The following PTPRM variants were observed in gnomAD, a reference collection of about 807,000 sequenced individuals.
The protein encoded by PTPRM is protein tyrosine phosphatase receptor type M.
A neutral mutation model predicts 186.7 loss-of-function variants in PTPRM; 47 were observed. The ratio of observed to expected loss-of-function variants is 0.25; its 90% confidence interval spans 0.20 to 0.32. The LOEUF (loss-of-function observed/expected upper bound fraction) is 0.32. Ranked by LOEUF, PTPRM falls within the 10% of genes least tolerant of loss-of-function variation. PTPRM has a pLI of 1.00. For synonymous variants in PTPRM, 668 were observed against 674.9 expected, an observed-to-expected ratio of 0.99 and a Z score of 0.16; for missense variants, 1,494 against 1,865.0, an observed-to-expected ratio of 0.80 and a Z score of 3.66.
chr18:7,928,581 CT>C (rs2051305720), intron 5 of PTPRM, among the ~76,000 whole-genome samples: 2 of 152,152 alleles, frequency 1.3e-5, no homozygotes, highest in Non-Finnish European at 2.9e-5. Context: ...CTATTTGTTC[CT>C]TTGATTTATC....
intron 1 of PTPRM, chr18:7,754,658 T>C (rs2041384045): frequency 6.6e-6 from 1 of 152,226 alleles, no homozygotes; most frequent in Non-Finnish European, 1.5e-5. Context: ...CATCCTTGTA[T>C]CAGTGTTGTT....
chr18:7,619,352 A>G (rs929288076), intron 1 of PTPRM, among the ~76,000 whole-genome samples: 3 of 152,170 alleles, frequency 2.0e-5, no homozygotes, highest in Non-Finnish European at 4.4e-5. Context: ...AGAAAGAAAG[A>G]ACTTTCACTT....
chr18:7,889,406 A>C (rs904463490), intron 3 of PTPRM, among the ~76,000 whole-genome samples: 1 of 145,974 alleles, frequency 6.9e-6, no homozygotes, highest in African/African-American at 2.6e-5. Context: ...TTGTGATCAC[A>C]ATTCACTCCA....
intron 2 of PTPRM, among the ~76,000 whole-genome samples, chr18:7,844,299 C>T (rs910958295): frequency 3.9e-5 from 6 of 152,184 alleles, no homozygotes; most frequent in African/African-American, 1.4e-4. Context: ...TCACTTCTTC[C>T]CCTTAAGATC....
rs377645291 is a variant in PTPRM at position 7,751,843 on chromosome 18, A to G, written c.74-22306A>G. ...GATTCTTCCTCTGTGAAAATTTTCC[A>G]CATACCTTCCTCTCTAGCTAATAGA... is the stretch of plus-strand genomic sequence containing the variant. On this transcript the variant is annotated intron_variant, in intron 1 of 32. Transcript: ENST00000580170. 2.7e-5 allele frequency among the ~76,000 whole-genome samples: 4 copies of G among 147,704 alleles called. No homozygotes were observed. The East Asian group carries it at 7.7e-4, about 28-fold the overall frequency.
intron 22 of PTPRM, among the ~76,000 whole-genome samples, chr18:8,330,684 G>A (rs971028243): frequency 8.2e-5 from 12 of 145,742 alleles, no homozygotes; most frequent in East Asian, 6.1e-4. Context: ...CTTGATTGCC[G>A]TCTCTCTGTT....
intron 2 of PTPRM, among the ~76,000 whole-genome samples, chr18:7,791,708 T>C (rs1208667913): frequency 6.6e-6 from 1 of 152,200 alleles, no homozygotes; most frequent in Non-Finnish European, 1.5e-5. Context: ...TAGAGGTTAT[T>C]ACTTAATAAA....
At chr18:7,634,503 C>T (rs1216943248) in intron 1 of PTPRM, among the ~76,000 whole-genome samples, 1 of 152,180 alleles carries the variant, frequency 6.6e-6, no homozygotes, top group Non-Finnish European at 1.5e-5. Context: ...GCTCTTTCCT[C>T]ATTTTTACTT....
Position 7,568,707 on chromosome 18 carries a change from C to T in PTPRM, c.73+816C>T, listed in dbSNP as rs2036496721. Among the ~76,000 whole-genome samples the T allele has an allele frequency of 1.3e-5, 2 of 152,264 alleles. No individual in the cohort carries two copies. The highest frequency in any genetic ancestry group is 6.8e-3 in the Middle Eastern group (2 of 294). ...GAGGCACTGGCGGTGTGCGAGCAAG[C>T]GTGTGAGTGTGTGCGCGTGTGTGCC... On this transcript the variant is annotated intron_variant, in intron 1 of 32. Transcript: ENST00000580170. This position sits in a 1 kb window ranked among gnomAD's most constrained non-coding sequence, Gnocchi z 5.1.
At chr18:8,136,101 G>A (rs1253780255) in intron 13 of PTPRM, among the ~76,000 whole-genome samples, 1 of 152,130 alleles carries the variant, frequency 6.6e-6, no homozygotes, top group African/African-American at 2.4e-5. Context: ...CCATTTTAAT[G>A]CCTTCAAAGT....
chr18:7,879,497 A>G (rs548678048), intron 2 of PTPRM, among the ~76,000 whole-genome samples: 2 of 152,294 alleles, frequency 1.3e-5, no homozygotes, highest in African/African-American at 2.4e-5. Flanking sequence ...AAGTGCCCCA[A>G]TACATAATGG....
chr18:8,085,569 TAA>T, intron 9 of PTPRM, 100 bp from the exon 10 acceptor site: 1 of 1,007,492 alleles, frequency 9.9e-7, no homozygotes, highest in Non-Finnish European at 1.5e-6. Context: ...GAGCTTATCA[TAA>T]AGTGTCTGAC....
intron 2 of PTPRM, among the ~76,000 whole-genome samples, chr18:7,882,723 T>TTTG (rs772186022): frequency 2.0e-5 from 3 of 152,202 alleles, no homozygotes; most frequent in East Asian, 3.8e-4. Flanking sequence ...AAAATATTCT[T>TTTG]TTGTTGTTGT....
intron 1 of PTPRM, among the ~76,000 whole-genome samples, chr18:7,739,473 A>G (rs2040843883): frequency 6.6e-6 from 1 of 152,268 alleles, no homozygotes; most frequent in Non-Finnish European, 1.5e-5. Flanking sequence ...GATGTATAAC[A>G]TAACCACATT....
intron 6 of PTPRM, among the ~76,000 whole-genome samples, chr18:7,953,094 G>T (rs1448123296): frequency 3.3e-5 from 5 of 152,190 alleles, no homozygotes; most frequent in Non-Finnish European, 5.9e-5. Context: ...ATTATTTCCA[G>T]GTTCTAGTTG....
At chr18:7,835,962 C>G (rs1345757682) in intron 2 of PTPRM, among the ~76,000 whole-genome samples, 4 of 151,856 alleles carry the variant, frequency 2.6e-5, no homozygotes, top group African/African-American at 9.7e-5. Context: ...TTTTTCCATC[C>G]CTTTATTTTT....
chr18:7,864,182 C>T (rs2047545730), intron 2 of PTPRM, among the ~76,000 whole-genome samples: 1 of 152,204 alleles, frequency 6.6e-6, no homozygotes, highest in Admixed American at 6.5e-5. Flanking sequence ...TTTTGCTGCG[C>T]AGAAGCTCTT....
chr18:7,888,020 C>A, intron 2 of PTPRM, 86 bp from the exon 3 acceptor site: 1 of 1,513,252 alleles, frequency 6.6e-7, no homozygotes, highest in South Asian at 1.1e-5. Flanking sequence ...ATTGCAGTGC[C>A]AACCCATGTA....
At chr18:8,094,784 G>C (rs1253670556) in intron 11 of PTPRM, among the ~76,000 whole-genome samples, 2 of 152,012 alleles carry the variant, frequency 1.3e-5, no homozygotes, top group Non-Finnish European at 2.9e-5. Context: ...AAATGTTAAG[G>C]AGGAAACTTC....
Sources: gnomAD v4.1 joint callset for allele counts (sites outside exome capture counted in the v4.1 genomes callset) on GRCh38, gnomAD v4.1.1 for gene constraint, Gnocchi (gnomAD v3.1) non-coding constraint, MANE v1.5 for transcripts, NCBI Gene and HGNC (gene_info 2026-07-23, HGNC 2026-07-21) for gene names.